MX1: variants seen among roughly 807,000 people sequenced by gnomAD.
The protein encoded by MX1 is interferon-induced GTP-binding protein Mx1.
MX1 carries 66 observed loss-of-function variants against 66.4 expected under a neutral mutation model. The observed-to-expected ratio is 0.99, with a 90% CI of 0.82 to 1.22. The LOEUF (loss-of-function observed/expected upper bound fraction) is 1.22, where lower values mean the gene tolerates loss of function less well. Ranked by LOEUF, MX1 falls within the 50% of genes most tolerant of loss-of-function variation. The pLI, the probability that MX1 is intolerant of heterozygous loss-of-function variation, is 0.00. For synonymous variants in MX1, 311 were observed against 318.1 expected, an observed-to-expected ratio of 0.98 and a Z score of 0.24; for missense variants, 787 against 834.3, an observed-to-expected ratio of 0.94 and a Z score of 0.70.
intron 13 of MX1, among the ~76,000 whole-genome samples, chr21:41,446,910 T>C (rs183977283): frequency 6.6e-4 from 101 of 152,246 alleles, no homozygotes; most frequent in African/African-American, 2.4e-3. Context: ...AGTGGGGCAG[T>C]TGGGGAGGAT....
At position 41,441,587 on chromosome 21, in the gene MX1, C is replaced by A; in HGVS notation, c.731-129C>A. On this transcript the variant is annotated intron_variant, in intron 9 of 16. Coordinates refer to ENST00000398598, the MANE Select transcript of MX1 (RefSeq NM_002462.5). This position sits in a 1 kb window ranked among gnomAD's most constrained non-coding sequence, Gnocchi z 4.0. ...GGGCTCCACTGCCCCCATGGTTCTGCAGGGGCTATGGCCTGTCCTCAAGCA... is the reference window on the plus strand; with the variant it reads ...GGGCTCCACTGCCCCCATGGTTCTGAAGGGGCTATGGCCTGTCCTCAAGCA... The A allele has an allele frequency of 1.1e-6, 1 of 927,302 alleles. No individual in the cohort carries two copies. Among genetic ancestry groups the A allele is most frequent in the Non-Finnish European group, 1.7e-6 (1 of 577,606 alleles). The allele number at this position is 927,302 out of a possible 1,614,324, so 57.4% of individuals were successfully genotyped here.
intron 7 of MX1, among the ~76,000 whole-genome samples, chr21:41,439,066 G>A (rs2090437743): frequency 6.6e-6 from 1 of 151,970 alleles, no homozygotes; most frequent in Admixed American, 6.6e-5. Flanking sequence ...GATATTGGGG[G>A]AACAATTAGT....
rs558680949 is a variant in MX1 at position 41,446,186 on chromosome 21, C to G, written c.1273+45C>G. 97 of 1,520,090 alleles carry G rather than the reference C, an allele frequency of 6.4e-5. 1 individual carries two copies. In the South Asian group the frequency reaches 1.0e-3, roughly 16 times the overall value. 94.2% of individuals were successfully genotyped at this position (1,520,090 alleles called of 1,614,324 possible). On this transcript the variant is annotated intron_variant, in intron 13 of 16. Transcript: ENST00000398598. Reference sequence around the variant, plus strand: ...CTTTTGGGCTGCTACAACCGAATACCTGAGACTGGGTCATTTATAAACAGT... The same window carrying G: ...CTTTTGGGCTGCTACAACCGAATACGTGAGACTGGGTCATTTATAAACAGT...
rs375454579 is a variant in MX1 at position 41,458,589 on chromosome 21, C to A, written c.1820C>A (p.Thr607Lys). ...ATCATCCAGTTCTTCATGCTCCAGA[C>A]GTACGGCCAGCAGCTTCAGAAGGCC... ...PLIIQFFMLQ[T>K]YGQQLQKAML... Residue 607 changes from threonine to lysine, a missense_variant, in exon 17 of 17, where the codon ACG becomes AAG. By Grantham distance (78) the Thr-to-Lys change is moderately conservative. Transcript: ENST00000398598. 2 of 1,614,266 alleles carry A rather than the reference C, an allele frequency of 1.2e-6. No individual in the cohort carries two copies. Among genetic ancestry groups the A allele is most frequent in the Non-Finnish European group, 1.7e-6 (2 of 1,180,046 alleles).
At chr21:41,456,751 G>GT (rs57537394) in intron 16 of MX1, among the ~76,000 whole-genome samples, 29,178 of 151,398 alleles carry the variant, frequency 0.19, 3,294 homozygotes, top group East Asian at 0.42. Context: ...AAAGTTGTTG[G>GT]TTTTTTTTGT....
intron 10 of MX1, 97 bp downstream of exon 10, chr21:41,442,011 G>T (rs2090532835): frequency 9.3e-7 from 1 of 1,069,862 alleles, no homozygotes; most frequent in Admixed American, 1.8e-5. Flanking sequence ...TGTGGAGTGT[G>T]TGTGTGTGTG....
At position 41,451,542 on chromosome 21, in the gene MX1, GA is replaced by G. The variant is rs372039877; in HGVS notation, c.1509+301del. ...ACTGAGGAAACTACATATAAAAATA[GA>G]ATATTTCTGGCCCGAGTGGGCATGA... is the stretch of plus-strand genomic sequence containing the variant. On this transcript the variant is annotated intron_variant, in intron 15 of 16. Transcript: ENST00000398598. Among the ~76,000 whole-genome samples, 566 of 152,256 alleles carry G rather than the reference GA, an allele frequency of 3.7e-3. 3 individuals are homozygous for G. The highest frequency in any genetic ancestry group is 0.013 in the African/African-American group (543 of 41,556).
At chr21:41,444,477 C>T (rs2090608616) in intron 11 of MX1, among the ~76,000 whole-genome samples, 1 of 151,806 alleles carries the variant, frequency 6.6e-6, no homozygotes, top group South Asian at 2.1e-4. Flanking sequence ...CAGGTGCCCA[C>T]CACCATGCCT....
rs775971475 is a variant in MX1, at chr21:41,435,837, G to C, written c.106G>C (p.Val36Leu). 11 of 1,599,954 alleles carry C rather than the reference G, an allele frequency of 6.9e-6. No homozygotes were observed. Among genetic ancestry groups the C allele is most frequent in the Non-Finnish European group, 9.4e-6 (11 of 1,168,840 alleles). Residue 36 changes from valine (V) to leucine (L), a missense_variant and splice_region_variant, in exon 6 of 17, where the codon GTG becomes CTG. Physicochemically the swap from Val to Leu is conservative, Grantham distance 32 (BLOSUM62 1). Coordinates refer to ENST00000398598, the MANE Select transcript of MX1 (RefSeq NM_002462.5). ...ATVAQKNPGS[V>L]AENNLCSQYE... Reference sequence around the variant, plus strand: ...AATTCTCCATTTTTGTTTCCTCCAGGTGGCTGAGAACAACCTGTGCAGCCA... The same window carrying C: ...AATTCTCCATTTTTGTTTCCTCCAGCTGGCTGAGAACAACCTGTGCAGCCA...
upstream of MX1, among the ~76,000 whole-genome samples, chr21:41,423,506 A>T (rs745310242): frequency 2.0e-5 from 3 of 152,090 alleles, no homozygotes; most frequent in Non-Finnish European, 4.4e-5. Flanking sequence ...TTTTTGCCTA[A>T]TTAGTATTTT....
chr21:41,441,083 G>GATGAGAATGGGGGAGCCCGCCTGTGCTCA lies in MX1; in HGVS notation c.730+58_730+59insATGAGAATGGGGGAGCCCGCCTGTGCTCA, dbSNP rs56260837. ...AGAATGGGGGAGCCCGCCTGTGCTC[G>GATGAGAATGGGGGAGCCCGCCTGTGCTCA]GTGAGAATGGGGGAGCCCACCTGTG... On this transcript the variant is annotated intron_variant, in intron 9 of 16. Coordinates refer to ENST00000398598, the MANE Select transcript of MX1 (RefSeq NM_002462.5). This position sits in a 1 kb window ranked among gnomAD's most constrained non-coding sequence, Gnocchi z 4.0. 4.9e-6 allele frequency: 7 copies of GATGAGAATGGGGGAGCCCGCCTGTGCTCA among 1,422,394 alleles called. No individual in the cohort carries two copies. 88.1% of individuals were successfully genotyped at this position (1,422,394 alleles called of 1,614,324 possible). A position where few individuals can be genotyped will look rare whatever the true frequency, so the allele number is the denominator to read the frequency against.
chr21:41,448,422 G>A (rs377482663), intron 13 of MX1, among the ~76,000 whole-genome samples: 12 of 152,328 alleles, frequency 7.9e-5, no homozygotes, highest in Admixed American at 4.6e-4. Context: ...TAATGGGCAT[G>A]CAGTTGAGGG....
chr21:41,422,242 G>T (rs1568959638), upstream of MX1: 1 of 152,252 alleles, frequency 6.6e-6, no homozygotes, highest in Non-Finnish European at 1.5e-5. Context: ...ACCTGTGGTT[G>T]TCCTCATTTT....
chr21:41,424,406 T>C (rs1050462150), upstream of MX1, among the ~76,000 whole-genome samples: 40 of 152,324 alleles, frequency 2.6e-4, 1 homozygote, highest in Admixed American at 7.2e-4. Context: ...GGGAGCTGGC[T>C]GGGGGGCTCC....
intron 15 of MX1, among the ~76,000 whole-genome samples, chr21:41,452,375 G>C (rs566018565): frequency 6.6e-6 from 1 of 152,294 alleles, no homozygotes; most frequent in South Asian, 2.1e-4. Flanking sequence ...GCCTGTGCAG[G>C]TCCCCAGGCC....
chr21:41,435,290 G>A (rs1331502649), intron 5 of MX1, among the ~76,000 whole-genome samples: 1 of 152,076 alleles, frequency 6.6e-6, no homozygotes, highest in African/African-American at 2.4e-5. Context: ...GGATCTTTGG[G>A]TTTATGGTTT....
intron 7 of MX1, 29 bp from the exon 8 acceptor site, chr21:41,439,665 G>C: frequency 6.2e-7 from 1 of 1,609,004 alleles, no homozygotes; most frequent in South Asian, 1.1e-5. Context: ...AGCTCTGTTT[G>C]GGTTTGATTT....
At chr21:41,436,672 G>A (rs1014443981) in intron 6 of MX1, among the ~76,000 whole-genome samples, 1 of 152,134 alleles carries the variant, frequency 6.6e-6, no homozygotes, top group African/African-American at 2.4e-5. Flanking sequence ...TGTGTATGCT[G>A]GGGGGATAAT....
At chr21:41,438,488 G>C (rs1482734716) in intron 7 of MX1, among the ~76,000 whole-genome samples, 1 of 152,222 alleles carries the variant, frequency 6.6e-6, no homozygotes, top group Non-Finnish European at 1.5e-5. Flanking sequence ...CCTCCAGAAG[G>C]CTAAGCTGGA....
Sources: allele counts gnomAD v4.1 joint callset (sites outside exome capture counted in the v4.1 genomes callset), GRCh38; gene constraint gnomAD v4.1.1; non-coding constraint Gnocchi (gnomAD v3.1); transcripts MANE v1.5; gene names NCBI Gene and HGNC (gene_info 2026-07-23, HGNC 2026-07-21).